PFDN4: variants seen among roughly 807,000 people sequenced by gnomAD.
PFDN4 encodes prefoldin 4.
In PFDN4, 6 loss-of-function variants were observed where a neutral mutation model predicts 17.6. The ratio of observed to expected loss-of-function variants is 0.34; its 90% confidence interval spans 0.19 to 0.67. The LOEUF is 0.67. Among genes scored for constraint, PFDN4 ranks in the 30% least tolerant of loss-of-function variants. The pLI, the probability that PFDN4 is intolerant of heterozygous loss-of-function variation, is 0.68. For synonymous variants in PFDN4, 48 were observed against 51.1 expected (o/e 0.94, Z 0.26); for missense variants, 119 against 158.4 (o/e 0.75, Z 1.33).
chr20:54,218,541 G>A (rs1280617436), intron 3 of PFDN4, among the ~76,000 whole-genome samples: 1 of 152,122 alleles, frequency 6.6e-6, no homozygotes. Flanking sequence ...CTTTTCCAAA[G>A]TTTAGCTCCA....
intron 2 of PFDN4, among the ~76,000 whole-genome samples, 169 bp downstream of exon 2, chr20:54,214,627 A>G (rs2092760229): frequency 6.6e-6 from 1 of 152,044 alleles, no homozygotes; most frequent in South Asian, 2.1e-4. Context: ...GATATGCGAT[A>G]ACTTACAGAG....
Position 54,219,592 on chromosome 20 carries a change from A to T in PFDN4, c.*442A>T. 2.5e-6 allele frequency: 1 copy of T among 393,592 alleles called. No individual in the cohort carries two copies. Among genetic ancestry groups the T allele is most frequent in the Non-Finnish European group, 4.5e-6 (1 of 223,732 alleles). The allele number at this position is 393,592 out of a possible 1,614,324, so 24.4% of individuals were successfully genotyped here. On this transcript the variant is annotated 3_prime_UTR_variant, in exon 4 of 4. Transcript: ENST00000371419. The stretch of plus-strand genomic sequence containing the variant: ...TTTCACAACTAAAGCTTTGTCATAG[A>T]CTTCAAAATATATATGTATATATTT...
intron 1 of PFDN4, 22 bp downstream of exon 1, chr20:54,208,146 C>T (rs772955135): frequency 1.3e-6 from 2 of 1,537,930 alleles, no homozygotes; most frequent in East Asian, 2.5e-5. Flanking sequence ...GCTCGGGGCT[C>T]TGGATGCTCG....
Position 54,217,090 on chromosome 20 carries a change from T to C in PFDN4, c.273+1650T>C, listed in dbSNP as rs73914306. The stretch of plus-strand genomic sequence containing the variant: ...GCCTGGCCCCTGCCTGCATGGAGCA[T>C]ATAGTCTAGATGGAAAGAAAAAAAA... On this transcript the variant is annotated intron_variant, in intron 3 of 3. Transcript: ENST00000371419. 7.4e-3 allele frequency among the ~76,000 whole-genome samples: 1,118 copies of C among 152,100 alleles called. 13 individuals carry two copies. The highest frequency in any genetic ancestry group is 0.026 in the African/African-American group (1,082 of 41,496).
At chr20:54,218,207 AT>A (rs1601178627) in intron 3 of PFDN4, among the ~76,000 whole-genome samples, 1 of 149,212 alleles carries the variant, frequency 6.7e-6, no homozygotes, top group East Asian at 2.0e-4. Context: ...CAAAGAGTAT[AT>A]GTTAAAATTT....
chr20:54,216,633 CTTTTA>C (rs754681521), intron 3 of PFDN4, among the ~76,000 whole-genome samples: 5 of 151,852 alleles, frequency 3.3e-5, no homozygotes, highest in Non-Finnish European at 5.9e-5. Context: ...AGCTACTGAA[CTTTTA>C]TTTTATTTTA....
rs1219234738 is a variant in PFDN4 at position 54,219,556 on chromosome 20, A to G, written c.*406A>G. ...ACGATGAAAAGATGTACAATCCTGC[A>G]TCCTTGCTTATTTCACAACTAAAGC... On this transcript the variant is annotated 3_prime_UTR_variant, in exon 4 of 4. Coordinates refer to ENST00000371419, the MANE Select transcript of PFDN4 (RefSeq NM_002623.4). 3 of 393,294 alleles carry G rather than the reference A, an allele frequency of 7.6e-6. No homozygotes were observed. Among genetic ancestry groups the G allele is most frequent in the Non-Finnish European group, 1.3e-5 (3 of 223,756 alleles). The allele number at this position is 393,294 out of a possible 1,614,324, so 24.4% of individuals were successfully genotyped here. A position where few individuals can be genotyped will look rare whatever the true frequency, so the allele number is the denominator to read the frequency against.
chr20:54,214,217 G>T (rs2092759636), intron 1 of PFDN4, 134 bp from the exon 2 acceptor site: 2 of 590,306 alleles, frequency 3.4e-6, no homozygotes, highest in South Asian at 4.5e-5. Flanking sequence ...TAAGGCATTT[G>T]TTATGTTCTG....
chr20:54,208,356 C>A, intron 1 of PFDN4: 1 of 434,684 alleles, frequency 2.3e-6, no homozygotes, highest in Non-Finnish European at 4.0e-6. Flanking sequence ...GGGCCGGGAG[C>A]CTCGAAGGAC....
At position 54,214,377 on chromosome 20, in the gene PFDN4, C is replaced by T. The variant is rs762623876; in HGVS notation, c.51C>T (p.Phe17=). The change falls in exon 2 of 4, where the codon TTC becomes TTT. Residue 17 remains phenylalanine (F), a synonymous_variant. Coordinates refer to ENST00000371419, the MANE Select transcript of PFDN4 (RefSeq NM_002623.4). ...KAAAEDVNVT[F]EDQQKINKFA... ...CTGCAGAAGATGTCAATGTTACTTT[C>T]GAAGATCAACAAAAGATAAACAAAT... 7.5e-6 allele frequency: 12 copies of T among 1,592,346 alleles called. No homozygotes were observed. Among genetic ancestry groups the T allele is most frequent in the Admixed American group, 1.7e-5 (1 of 58,786 alleles).
intron 1 of PFDN4, among the ~76,000 whole-genome samples, chr20:54,213,654 A>G (rs1237178947): frequency 6.6e-6 from 1 of 152,234 alleles, no homozygotes; most frequent in Non-Finnish European, 1.5e-5. Context: ...GTACTTAGGA[A>G]GTTTTGGCAC....
In PFDN4 at chr20:54,208,137, C is replaced by T; in HGVS notation, c.24+13C>T. The T allele has an allele frequency of 1.3e-6, 2 of 1,549,248 alleles. No homozygotes were observed. Among genetic ancestry groups the T allele is most frequent in the Non-Finnish European group, 1.7e-6 (2 of 1,145,998 alleles). On this transcript the variant is annotated intron_variant, in intron 1 of 3. Coordinates refer to ENST00000371419, the MANE Select transcript of PFDN4 (RefSeq NM_002623.4). ...CATGAAGAAGGCGGTGAGTGGGGAG[C>T]TCGGGGCTCTGGATGCTCGGGCGGC...
chr20:54,211,403 C>A (rs1025739754), intron 1 of PFDN4, among the ~76,000 whole-genome samples: 1 of 152,212 alleles, frequency 6.6e-6, no homozygotes, highest in African/African-American at 2.4e-5. Context: ...CTTTCTAGAT[C>A]TGGATCTGTT....
chr20:54,217,443 A>G lies in PFDN4; in HGVS notation c.274-1576A>G, dbSNP rs1027488795. ...TGGAGAACTCCAGTCAGTTGAGTTG[A>G]AGAAATTGTACTTTGTCTTAGCAGG... On this transcript the variant is annotated intron_variant, in intron 3 of 3. Coordinates refer to ENST00000371419, the MANE Select transcript of PFDN4 (RefSeq NM_002623.4). Among the ~76,000 whole-genome samples, 27 of 152,332 alleles carry G rather than the reference A, an allele frequency of 1.8e-4. No individual in the cohort carries two copies. The East Asian group carries it at 5.2e-3, about 29-fold the overall frequency.
chr20:54,217,572 G>A (rs763890048), intron 3 of PFDN4, among the ~76,000 whole-genome samples: 9 of 152,210 alleles, frequency 5.9e-5, no homozygotes, highest in African/African-American at 1.7e-4. Context: ...GTGAATCTGC[G>A]TGGCTGTCTT....
intron 1 of PFDN4, among the ~76,000 whole-genome samples, chr20:54,211,325 G>T (rs1052580330): frequency 6.6e-6 from 1 of 152,150 alleles, no homozygotes; most frequent in African/African-American, 2.4e-5. Context: ...CAAGAAAAGA[G>T]CCCAGGGAAT....
intron 3 of PFDN4, 67 bp from the exon 4 acceptor site, chr20:54,218,952 A>G: frequency 9.4e-7 from 1 of 1,063,960 alleles, no homozygotes. Context: ...CCCAAATATT[A>G]TTTCAGACAC....
intron 1 of PFDN4, among the ~76,000 whole-genome samples, chr20:54,210,754 G>A (rs1418927): frequency 0.22 from 33,890 of 152,082 alleles, 3,876 homozygotes; most frequent in South Asian, 0.32. Context: ...TCATCATCAC[G>A]TTTGTCACCA....
rs1199690695 is a variant in PFDN4 at position 54,219,229 on chromosome 20, A to G, written c.*79A>G. ...TGATAATTTTCCTTCTTCAAATGAC[A>G]TGGAAAGCAAAACTTTCTTTTTTAA... is the stretch of plus-strand genomic sequence containing the variant. On this transcript the variant is annotated 3_prime_UTR_variant, in exon 4 of 4. Transcript: ENST00000371419. 6 of 904,642 alleles carry G rather than the reference A, an allele frequency of 6.6e-6. No individual in the cohort carries two copies. The highest frequency in any genetic ancestry group is 7.9e-6 in the Non-Finnish European group (5 of 633,260). 56.0% of individuals were successfully genotyped at this position (904,642 alleles called of 1,614,324 possible).
Sources: gnomAD v4.1 joint callset for allele counts (sites outside exome capture counted in the v4.1 genomes callset) on GRCh38, gnomAD v4.1.1 for gene constraint, MANE v1.5 for transcripts, NCBI Gene and HGNC (gene_info 2026-07-23, HGNC 2026-07-21) for gene names.